The following PHIP variants were observed in gnomAD, a reference collection of about 807,000 sequenced individuals.
PHIP encodes PH-interacting protein.
A neutral mutation model predicts 236.8 loss-of-function variants in PHIP; 54 were observed. The ratio of observed to expected loss-of-function variants is 0.23; its 90% CI spans 0.18 to 0.29. The LOEUF is 0.29. PHIP is among the 10% of genes least tolerant of loss of function. The pLI is 1.00. For synonymous variants in PHIP, 756 were observed against 718.9 expected, an observed-to-expected ratio of 1.05 and a Z score of -0.83; for missense variants, 1,370 against 2,190.8, an observed-to-expected ratio of 0.63 and a Z score of 7.48.
chr6:78,994,208 A>G (rs1055994319), intron 19 of PHIP, among the ~76,000 whole-genome samples: 60 of 152,250 alleles, frequency 3.9e-4, no homozygotes, highest in African/African-American at 1.4e-3. Flanking sequence ...GAATGAACAA[A>G]GAGGTTTCTT....
chr6:79,025,798 A>G (rs1183611782), intron 8 of PHIP, 145 bp downstream of exon 8: 6 of 698,520 alleles, frequency 8.6e-6, no homozygotes, highest in South Asian at 3.6e-5. Flanking sequence ...TCCTGTCTTC[A>G]TTTTAGTTGG....
chr6:79,064,098 T>C (rs1773510733), intron 4 of PHIP, among the ~76,000 whole-genome samples: 1 of 152,144 alleles, frequency 6.6e-6, no homozygotes, highest in Non-Finnish European at 1.5e-5. Context: ...GTACCAATTC[T>C]GTCTCTTATT....
chr6:78,975,626 C>T (rs1767996385), intron 24 of PHIP, among the ~76,000 whole-genome samples: 1 of 152,134 alleles, frequency 6.6e-6, no homozygotes. Context: ...TAGAAAACCC[C>T]ACTGTCTCAG....
At chr6:79,022,541 T>C (rs1022667401) in intron 9 of PHIP, among the ~76,000 whole-genome samples, 3 of 152,186 alleles carry the variant, frequency 2.0e-5, no homozygotes, top group Non-Finnish European at 4.4e-5. Flanking sequence ...AAAGGGTTGT[T>C]ATAGGGATTG....
chr6:79,061,586 A>T (rs1773382252), intron 4 of PHIP, among the ~76,000 whole-genome samples: 1 of 152,110 alleles, frequency 6.6e-6, no homozygotes, highest in South Asian at 2.1e-4. Context: ...TTTGTTTGGG[A>T]ATAATTATTA....
At chr6:79,054,750 T>C (rs1347542971) in intron 6 of PHIP, among the ~76,000 whole-genome samples, 4 of 151,630 alleles carry the variant, frequency 2.6e-5, no homozygotes, top group African/African-American at 7.2e-5. Flanking sequence ...CTTGATTGAA[T>C]AAATTTAAGA....
intron 15 of PHIP, among the ~76,000 whole-genome samples, 187 bp from the exon 16 acceptor site, chr6:79,004,045 ATAAAG>A (rs1421876330): frequency 3.3e-5 from 5 of 152,132 alleles, no homozygotes; most frequent in African/African-American, 7.2e-5. Flanking sequence ...GCCTTGAAAA[ATAAAG>A]TATTCTATCC....
intron 19 of PHIP, among the ~76,000 whole-genome samples, chr6:78,994,029 T>C (rs546793316): frequency 6.6e-6 from 1 of 152,322 alleles, no homozygotes; most frequent in East Asian, 1.9e-4. Context: ...TGAAAGAAGC[T>C]GATTCCAACC....
intron 7 of PHIP, among the ~76,000 whole-genome samples, chr6:79,027,955 G>A (rs1219862336): frequency 2.0e-5 from 3 of 152,166 alleles, no homozygotes; most frequent in African/African-American, 7.2e-5. Context: ...AGATGAGACA[G>A]TGTCTGACAC....
chr6:78,971,678 G>A (rs564827661), intron 24 of PHIP, among the ~76,000 whole-genome samples: 1 of 152,158 alleles, frequency 6.6e-6, no homozygotes, highest in African/African-American at 2.4e-5. Flanking sequence ...CGCGCACCGT[G>A]TGCGAGCCGA....
intron 7 of PHIP, among the ~76,000 whole-genome samples, chr6:79,037,162 C>T (rs185105088): frequency 1.9e-4 from 29 of 152,146 alleles, no homozygotes; most frequent in Admixed American, 4.6e-4. Flanking sequence ...AACCCATATA[C>T]ACTATATTTA....
At chr6:79,066,702 G>C (rs1051181481) in intron 4 of PHIP, among the ~76,000 whole-genome samples, 1 of 152,066 alleles carries the variant, frequency 6.6e-6, no homozygotes, top group Non-Finnish European at 1.5e-5. Flanking sequence ...AAAATTCTAA[G>C]GGTAAAAGTA....
At chr6:78,981,303 T>C (rs1733510777) in intron 23 of PHIP, among the ~76,000 whole-genome samples, 1 of 151,968 alleles carries the variant, frequency 6.6e-6, no homozygotes, top group Non-Finnish European at 1.5e-5. Context: ...TGTTTAAGAA[T>C]GGAAATACTT....
At chr6:79,032,264 G>A (rs1771714489) in intron 7 of PHIP, among the ~76,000 whole-genome samples, 1 of 152,204 alleles carries the variant, frequency 6.6e-6, no homozygotes, top group Admixed American at 6.6e-5. Flanking sequence ...TGGGGTAGCT[G>A]TGACAACTTC....
intron 4 of PHIP, among the ~76,000 whole-genome samples, chr6:79,065,297 C>A (rs1773570075): frequency 6.6e-6 from 1 of 152,180 alleles, no homozygotes; most frequent in Non-Finnish European, 1.5e-5. Context: ...ATGCTTTCCT[C>A]ACTCTTTGGA....
At chr6:79,041,916 G>T (rs1197211426) in intron 7 of PHIP, among the ~76,000 whole-genome samples, 1 of 151,968 alleles carries the variant, frequency 6.6e-6, no homozygotes. Context: ...GAAGTAGTAG[G>T]TATAAATAGG....
In PHIP at chr6:79,062,701, T is replaced by A. The variant is rs190714011; in HGVS notation, c.190-1883A>T. ...CTGACTCAAGCTTTCTTTGGTGATT[T>A]AGAATGTTTGAATTTTTCAAAATCA... On this transcript the variant is annotated intron_variant, in intron 4 of 39. Transcript: ENST00000275034. Among the ~76,000 whole-genome samples the A allele has an allele frequency of 8.3e-4, 126 of 152,360 alleles. 1 individual carries two copies. The highest frequency in any genetic ancestry group is 2.5e-3 in the African/African-American group (105 of 41,598).
intron 23 of PHIP, among the ~76,000 whole-genome samples, chr6:78,981,533 T>G (rs943876423): frequency 6.6e-6 from 1 of 151,990 alleles, no homozygotes; most frequent in Non-Finnish European, 1.5e-5. Flanking sequence ...CTGCCAAATG[T>G]TAACAATAGA....
At chr6:79,008,571 C>T (rs1770418436) in intron 15 of PHIP, among the ~76,000 whole-genome samples, 1 of 125,578 alleles carries the variant, frequency 8.0e-6, no homozygotes, top group South Asian at 3.3e-4. Flanking sequence ...GTGTGTCTTC[C>T]TTGACACACC....
Sources: gnomAD v4.1 joint callset for allele counts (sites outside exome capture counted in the v4.1 genomes callset) on GRCh38, gnomAD v4.1.1 for gene constraint, MANE v1.5 for transcripts, NCBI Gene and HGNC (gene_info 2026-07-23, HGNC 2026-07-21) for gene names.